Variants in ATXN7L1 observed in about 807,000 individuals in gnomAD.
ATXN7L1 encodes ataxin 7 like 1, also known as ataxin-7-like protein 1.
Under a neutral mutation model 70.8 loss-of-function variants are expected in ATXN7L1, and 15 were observed. That is an observed-to-expected ratio of 0.21 (90% CI 0.14 to 0.33). ATXN7L1 has a LOEUF of 0.33. Among genes scored for constraint, ATXN7L1 ranks in the 10% least tolerant of loss-of-function variants. The probability of loss-of-function intolerance (pLI) is 1.00; values close to 1 mark genes in which losing one functional copy is unlikely to be tolerated. For synonymous variants in ATXN7L1, 440 were observed against 445.1 expected (o/e 0.99, Z 0.14); for missense variants, 975 against 1,097.1 (o/e 0.89, Z 1.57).
At position 105,727,727 on chromosome 7, in the gene ATXN7L1, GGT is replaced by G. The variant is rs1269687539; in HGVS notation, c.355+60875_355+60876del. Among the ~76,000 whole-genome samples, 6 of 75,644 alleles carry G rather than the reference GGT, an allele frequency of 7.9e-5. No homozygotes were observed. In the East Asian group the frequency reaches 2.3e-3, roughly 29 times the overall value. 49.6% of individuals were successfully genotyped at this position (75,644 alleles called of 152,430 possible). On this transcript the variant is annotated intron_variant, in intron 3 of 11. Transcript: ENST00000419735. The stretch of plus-strand genomic sequence containing the variant: ...GGAATACTAGATATTTTTCCATAGG[GGT>G]GTGTGTGTGTATGTGTGTATATATA...
At position 105,711,377 on chromosome 7, in the gene ATXN7L1, C is replaced by T. The variant is rs533960104; in HGVS notation, c.356-46089G>A. 5.3e-5 allele frequency among the ~76,000 whole-genome samples: 8 copies of T among 152,346 alleles called. No individual in the cohort carries two copies. In the South Asian group the frequency reaches 1.7e-3, roughly 32 times the overall value. Reference sequence around the variant, plus strand: ...CATTTCAGCCATTAACTCAAAAGTCCACAGTCCAAAAGTCTCATCTGAGAC... The same window carrying T: ...CATTTCAGCCATTAACTCAAAAGTCTACAGTCCAAAAGTCTCATCTGAGAC... On this transcript the variant is annotated intron_variant, in intron 3 of 11. Transcript: ENST00000419735.
chr7:105,865,671 G>T (rs1389261674), intron 2 of ATXN7L1, among the ~76,000 whole-genome samples: 1 of 152,134 alleles, frequency 6.6e-6, no homozygotes, highest in Non-Finnish European at 1.5e-5. Flanking sequence ...AAAGTGCTGG[G>T]ATTACAGGCG....
intron 3 of ATXN7L1, among the ~76,000 whole-genome samples, chr7:105,742,828 A>G (rs1237130079): frequency 6.6e-6 from 1 of 152,142 alleles, no homozygotes; most frequent in Non-Finnish European, 1.5e-5. Context: ...CTTCCCAAAC[A>G]CATACGCACA....
At chr7:105,646,878 G>A (rs1352431578) in intron 4 of ATXN7L1, among the ~76,000 whole-genome samples, 1 of 152,000 alleles carries the variant, frequency 6.6e-6, no homozygotes, top group African/African-American at 2.4e-5. Context: ...CAGGAGTTTG[G>A]GGCTGCAGAG....
intron 2 of ATXN7L1, among the ~76,000 whole-genome samples, chr7:105,864,482 A>AAG (rs1817099612): frequency 7.1e-5 from 10 of 140,900 alleles, no homozygotes; most frequent in Admixed American, 5.9e-4. Flanking sequence ...AAAAAAAAAA[A>AAG]GGACATTCCT....
At chr7:105,626,377 G>C (rs1790049) in intron 7 of ATXN7L1, among the ~76,000 whole-genome samples, 63,300 of 152,032 alleles carry the variant, frequency 0.42, 13,503 homozygotes, top group South Asian at 0.52. Flanking sequence ...TAGGGAGGGG[G>C]TATTTAGTGG....
At chr7:105,610,501 T>G in intron 11 of ATXN7L1, 28 bp downstream of exon 11, 1 of 1,526,736 alleles carries the variant, frequency 6.5e-7, no homozygotes, top group Non-Finnish European at 8.9e-7. Context: ...TATGAATTTT[T>G]GCCCCACCCC....
chr7:105,721,453 C>T (rs1208502503), intron 3 of ATXN7L1, among the ~76,000 whole-genome samples: 1 of 152,204 alleles, frequency 6.6e-6, no homozygotes, highest in Non-Finnish European at 1.5e-5. Flanking sequence ...TCACGGTGTT[C>T]TGAGGCTCCG....
At chr7:105,659,199 T>A (rs1801185445) in intron 4 of ATXN7L1, among the ~76,000 whole-genome samples, 1 of 152,254 alleles carries the variant, frequency 6.6e-6, no homozygotes, top group South Asian at 2.1e-4. Flanking sequence ...GTTGAAAATG[T>A]AAAATTAACA....
chr7:105,729,305 A>AATG (rs1563043848), intron 3 of ATXN7L1, among the ~76,000 whole-genome samples: 5,692 of 35,820 alleles, frequency 0.16, 146 homozygotes, highest in Non-Finnish European at 0.17. Flanking sequence ...ATGAATGAAT[A>AATG]AATAAATAAA....
In ATXN7L1 at chr7:105,605,669, A is replaced by G. The variant is rs367941083; in HGVS notation, c.*2183T>C. ...ATCAGAGGGTTATTTTGTTGTGGAGATTTTGTTTTTTGTTTTTACTCCTGC... is the reference window on the plus strand; with the variant it reads ...ATCAGAGGGTTATTTTGTTGTGGAGGTTTTGTTTTTTGTTTTTACTCCTGC... On this transcript the variant is annotated 3_prime_UTR_variant, in exon 12 of 12. Transcript: ENST00000419735. The G allele has an allele frequency of 3.3e-5, 5 of 152,248 alleles. No homozygotes were observed. The East Asian group carries it at 7.7e-4, about 23-fold the overall frequency. 9.4% of individuals were successfully genotyped at this position (152,248 alleles called of 1,614,324 possible).
At chr7:105,873,277 G>A (rs948142563) in intron 2 of ATXN7L1, among the ~76,000 whole-genome samples, 4 of 152,176 alleles carry the variant, frequency 2.6e-5, no homozygotes, top group South Asian at 4.1e-4. Context: ...CATTAAAGCC[G>A]AATTTCTTCT....
At chr7:105,622,540 CCT>C (rs1795085774) in intron 8 of ATXN7L1, among the ~76,000 whole-genome samples, 1 of 152,334 alleles carries the variant, frequency 6.6e-6, no homozygotes, top group Admixed American at 6.5e-5. Flanking sequence ...CCCACTCCCA[CCT>C]CTCTCTGTCT....
intron 2 of ATXN7L1, among the ~76,000 whole-genome samples, chr7:105,866,287 C>T (rs758738854): frequency 1.3e-5 from 2 of 152,118 alleles, no homozygotes; most frequent in Non-Finnish European, 2.9e-5. Context: ...TTTTATCTTC[C>T]CCATTATGGT....
chr7:105,818,970 G>T (rs552277026), intron 2 of ATXN7L1, among the ~76,000 whole-genome samples: 2 of 151,584 alleles, frequency 1.3e-5, no homozygotes, highest in East Asian at 3.9e-4. Context: ...TGCCATGTTG[G>T]TTTGATGCAC....
intron 2 of ATXN7L1, among the ~76,000 whole-genome samples, chr7:105,795,742 C>T (rs1348508113): frequency 6.6e-6 from 1 of 152,142 alleles, no homozygotes; most frequent in South Asian, 2.1e-4. Flanking sequence ...CTACGCTCAC[C>T]ATAGAGAATC....
At chr7:105,696,957 A>C (rs1034020010) in intron 3 of ATXN7L1, among the ~76,000 whole-genome samples, 1 of 152,214 alleles carries the variant, frequency 6.6e-6, no homozygotes, top group African/African-American at 2.4e-5. Context: ...GATGCCCCAC[A>C]CGCCACAAAA....
At chr7:105,846,170 T>A (rs1488472099) in intron 2 of ATXN7L1, among the ~76,000 whole-genome samples, 1 of 152,136 alleles carries the variant, frequency 6.6e-6, no homozygotes, top group Non-Finnish European at 1.5e-5. Context: ...TAATTTCTTA[T>A]ACATATCCAG....
rs1290633455 is a variant in ATXN7L1, at chr7:105,646,421, TTTG to T, written c.579-3303_579-3301del. On this transcript the variant is annotated intron_variant, in intron 4 of 11. Coordinates refer to ENST00000419735, the MANE Select transcript of ATXN7L1 (RefSeq NM_020725.2). ...AGGATTGCTTGAGGCCAGGTGTTTT[TTTG>T]TTTTGTTTTGTTTTTGAGACAGTGT... is the stretch of plus-strand genomic sequence containing the variant. 2.0e-5 allele frequency among the ~76,000 whole-genome samples: 3 copies of T among 151,976 alleles called. No individual in the cohort carries two copies. The East Asian group carries it at 5.8e-4, about 29-fold the overall frequency.
Sources: allele counts gnomAD v4.1 joint callset (sites outside exome capture counted in the v4.1 genomes callset), GRCh38; gene constraint gnomAD v4.1.1; transcripts MANE v1.5; gene names NCBI Gene and HGNC (gene_info 2026-07-23, HGNC 2026-07-21).